The following THSD7B variants were observed in gnomAD, a reference collection of about 807,000 sequenced individuals.
THSD7B encodes the protein thrombospondin type 1 domain containing 7B.
In THSD7B, 138 loss-of-function variants were observed where a neutral mutation model predicts 213.6. That is an observed-to-expected ratio of 0.65 (90% CI 0.56 to 0.74). THSD7B has a LOEUF of 0.74. THSD7B is among the 30% of genes least tolerant of loss of function. The pLI is 0.00. For missense variants in THSD7B, 1,931 were observed against 1,991.5 expected (o/e 0.97, Z 0.58); for synonymous variants, 742 against 687.0 (o/e 1.08, Z -1.25).
intron 2 of THSD7B, among the ~76,000 whole-genome samples, chr2:136,991,152 A>G (rs1389788149): frequency 6.6e-6 from 1 of 152,230 alleles, no homozygotes; most frequent in Non-Finnish European, 1.5e-5. Flanking sequence ...AAAACTCAAG[A>G]GATTTTTCAG....
intron 6 of THSD7B, among the ~76,000 whole-genome samples, chr2:137,165,674 C>G (rs13027727): frequency 0.046 from 7,014 of 152,114 alleles, 198 homozygotes; most frequent in Admixed American, 0.069. Context: ...AGCTTCACAT[C>G]TGAATTCTCT....
rs188117649 is a variant in THSD7B at position 137,609,055 on chromosome 2, T to C, written c.3424-7120T>C. Among the ~76,000 whole-genome samples, 661 of 152,340 alleles carry C rather than the reference T, an allele frequency of 4.3e-3. 5 individuals carry two copies. Among genetic ancestry groups the C allele is most frequent in the African/African-American group, 0.015 (625 of 41,568 alleles). On this transcript the variant is annotated intron_variant, in intron 17 of 27. Transcript: ENST00000409968. ...CATTCATTAATCTCATTAAACTCAT[T>C]AGATATCTCAACCCCCTGGGGAGGC...
chr2:137,666,901 T>C (rs945056452), intron 26 of THSD7B, among the ~76,000 whole-genome samples: 1 of 152,114 alleles, frequency 6.6e-6, no homozygotes, highest in African/African-American at 2.4e-5. Flanking sequence ...TTAACTGTAG[T>C]AGATATCAGA....
chr2:137,048,680 C>T (rs1687011313), intron 2 of THSD7B, among the ~76,000 whole-genome samples: 1 of 152,204 alleles, frequency 6.6e-6, no homozygotes, highest in Non-Finnish European at 1.5e-5. Context: ...TACTGCCTTG[C>T]CTTGACCTCT....
At chr2:137,053,403 ATGAAATTCT>A (rs1687104375) in intron 2 of THSD7B, among the ~76,000 whole-genome samples, 1 of 152,152 alleles carries the variant, frequency 6.6e-6, no homozygotes, top group Non-Finnish European at 1.5e-5. Context: ...TTGCTGCTTG[ATGAAATTCT>A]TCATTTGATC....
chr2:136,829,944 T>C (rs1682720978), intron 1 of THSD7B, among the ~76,000 whole-genome samples: 1 of 152,180 alleles, frequency 6.6e-6, no homozygotes, highest in Non-Finnish European at 1.5e-5. Flanking sequence ...TTTTTTATAT[T>C]TTTATTATAC....
intron 7 of THSD7B, among the ~76,000 whole-genome samples, chr2:137,224,957 A>G (rs904479831): frequency 3.3e-5 from 5 of 151,894 alleles, no homozygotes; most frequent in Non-Finnish European, 7.4e-5. Flanking sequence ...TATTGCTATT[A>G]TTTCTTATCT....
intron 14 of THSD7B, among the ~76,000 whole-genome samples, chr2:137,418,733 A>G (rs1304892250): frequency 6.6e-6 from 1 of 151,918 alleles, no homozygotes; most frequent in African/African-American, 2.4e-5. Flanking sequence ...TCTACTCTCT[A>G]TTTTTATGAC....
At chr2:137,651,098 T>A (rs1226097709) in intron 21 of THSD7B, among the ~76,000 whole-genome samples, 3 of 152,166 alleles carry the variant, frequency 2.0e-5, no homozygotes, top group African/African-American at 7.2e-5. Flanking sequence ...GAATAAATTA[T>A]GAAGTATTCC....
chr2:137,348,756 G>A (rs1254870606), intron 12 of THSD7B, among the ~76,000 whole-genome samples: 4 of 146,654 alleles, frequency 2.7e-5, no homozygotes, highest in African/African-American at 1.0e-4. Context: ...GGGCATGGGA[G>A]TGGAGGGCAC....
chr2:137,437,233 G>A (rs1687313974), intron 14 of THSD7B, among the ~76,000 whole-genome samples: 1 of 152,120 alleles, frequency 6.6e-6, no homozygotes, highest in South Asian at 2.1e-4. Context: ...AGCCTTGGCA[G>A]CCCAAGCTCT....
intron 14 of THSD7B, among the ~76,000 whole-genome samples, chr2:137,448,800 AAACAACAACAAC>A (rs147631065): frequency 1.7e-4 from 24 of 144,866 alleles, no homozygotes; most frequent in African/African-American, 2.4e-4. Context: ...CTCCATCTCA[AAACAACAACAAC>A]AACAACAACA....
chr2:137,503,886 G>A (rs1280510084), intron 15 of THSD7B, among the ~76,000 whole-genome samples: 9 of 152,158 alleles, frequency 5.9e-5, no homozygotes, highest in South Asian at 2.1e-4. Context: ...TTAGCTGGGC[G>A]TGGTGGAATG....
chr2:137,014,373 G>A (rs990929060), intron 2 of THSD7B, among the ~76,000 whole-genome samples: 4 of 152,086 alleles, frequency 2.6e-5, no homozygotes, highest in African/African-American at 4.8e-5. Flanking sequence ...TCTAGTGCTC[G>A]GGCACCTGCA....
At chr2:137,669,030 G>A (rs1007407548) in intron 27 of THSD7B, among the ~76,000 whole-genome samples, 3 of 152,140 alleles carry the variant, frequency 2.0e-5, no homozygotes, top group Non-Finnish European at 2.9e-5. Context: ...ATGTTTTCAA[G>A]TGTGCTAAGA....
chr2:137,043,799 T>A (rs1686923557), intron 2 of THSD7B, among the ~76,000 whole-genome samples: 1 of 152,154 alleles, frequency 6.6e-6, no homozygotes, highest in Non-Finnish European at 1.5e-5. Flanking sequence ...AGAGAAATAT[T>A]AGGTGGAAGG....
intron 2 of THSD7B, among the ~76,000 whole-genome samples, chr2:136,905,834 C>T (rs1263094810): frequency 6.6e-6 from 1 of 152,116 alleles, no homozygotes; most frequent in African/African-American, 2.4e-5. Context: ...ACAGTCAGAT[C>T]GAAAAAGACA....
intron 2 of THSD7B, among the ~76,000 whole-genome samples, chr2:136,900,002 C>T (rs572363024): frequency 1.1e-4 from 16 of 152,194 alleles, no homozygotes; most frequent in African/African-American, 3.6e-4. Flanking sequence ...ACTCCCTGTG[C>T]GATTAGTGGT....
chr2:137,353,754 A>C (rs1197619675), intron 12 of THSD7B, among the ~76,000 whole-genome samples: 1 of 152,126 alleles, frequency 6.6e-6, no homozygotes, highest in Admixed American at 6.6e-5. Context: ...CAAGTATAAT[A>C]GAAGCTTCAA....
Sources: gnomAD v4.1 joint callset for allele counts (sites outside exome capture counted in the v4.1 genomes callset) on GRCh38, gnomAD v4.1.1 for gene constraint, MANE v1.5 for transcripts, NCBI Gene and HGNC (gene_info 2026-07-23, HGNC 2026-07-21) for gene names.